The following AMMECR1 variants were observed in gnomAD, a reference collection of about 807,000 sequenced individuals.
The protein encoded by AMMECR1 is nuclear protein AMMECR1.
In AMMECR1, 3 loss-of-function variants were observed where a neutral mutation model predicts 22.5. That is an observed-to-expected ratio of 0.13 (90% CI 0.06 to 0.35). The LOEUF (loss-of-function observed/expected upper bound fraction) is 0.35. Ranked by LOEUF, AMMECR1 falls within the 10% of genes least tolerant of loss-of-function variation. The pLI is 1.00. For missense variants in AMMECR1, 235 were observed against 278.7 expected (o/e 0.84, Z 1.12); for synonymous variants, 130 against 116.7 (o/e 1.11, Z -0.74).
intron 2 of AMMECR1, among the ~76,000 whole-genome samples, chrX:110,217,196 TA>T (rs1336556638): frequency 1.7e-4 from 17 of 101,896 alleles, no homozygotes; most frequent in Admixed American, 4.3e-4. Flanking sequence ...TTTCTTCAAT[TA>T]AAAAAAAAAC....
At chrX:110,263,786 AGC>A (rs1244347853) in intron 2 of AMMECR1, among the ~76,000 whole-genome samples, 1 of 111,907 alleles carries the variant, frequency 8.9e-6, no homozygotes, top group Non-Finnish European at 1.9e-5. Context: ...CTTTACTAAT[AGC>A]TTATTATTTA....
At chrX:110,337,527 C>A (rs2068145723) in intron 2 of AMMECR1, among the ~76,000 whole-genome samples, 1 of 111,154 alleles carries the variant, frequency 9.0e-6, no homozygotes, top group South Asian at 3.8e-4. Flanking sequence ...CTTATTAAGA[C>A]CCAAAGCATA....
intron 2 of AMMECR1, among the ~76,000 whole-genome samples, chrX:110,249,220 T>A (rs780435983): frequency 3.6e-5 from 4 of 110,932 alleles, no homozygotes; most frequent in Non-Finnish European, 7.6e-5. Flanking sequence ...AGAGAAAGGT[T>A]ATTCAGTGAT....
chrX:110,347,027 C>A (rs1405079554), intron 2 of AMMECR1: 7 of 448,339 alleles, frequency 1.6e-5, no homozygotes, highest in Non-Finnish European at 2.8e-5. Flanking sequence ...ACCAGCATTC[C>A]TATACATTGA....
chrX:110,205,745 G>A (rs1035121094), intron 3 of AMMECR1, among the ~76,000 whole-genome samples: 2 of 111,365 alleles, frequency 1.8e-5, no homozygotes, highest in Admixed American at 1.9e-4. Context: ...CATCAGTTGC[G>A]ATAATATTCT....
intron 2 of AMMECR1, among the ~76,000 whole-genome samples, chrX:110,352,597 T>C (rs1436650148): frequency 1.8e-5 from 2 of 111,790 alleles, no homozygotes; most frequent in African/African-American, 6.5e-5. Context: ...TGGAGTTTCT[T>C]TGTGGGGTGC....
At chrX:110,398,602 G>A (rs1360885289) in intron 2 of AMMECR1, among the ~76,000 whole-genome samples, 3 of 111,744 alleles carry the variant, frequency 2.7e-5, no homozygotes, top group Non-Finnish European at 3.8e-5. Flanking sequence ...CTTGCCCAAG[G>A]TCATAGAACT....
chrX:110,432,598 T>G (rs929126871), intron 1 of AMMECR1, among the ~76,000 whole-genome samples: 1 of 112,304 alleles, frequency 8.9e-6, no homozygotes, highest in Non-Finnish European at 1.9e-5. Flanking sequence ...CTGTATTGTG[T>G]GCTGGCTGCA....
chrX:110,288,347 T>G (rs1374741076), intron 1 of AMMECR1, among the ~76,000 whole-genome samples: 5 of 111,839 alleles, frequency 4.5e-5, no homozygotes, highest in African/African-American at 1.6e-4. Flanking sequence ...ACAGAAGATT[T>G]GATTTGGTAG....
At chrX:110,361,374 T>C (rs780708115) in intron 2 of AMMECR1, among the ~76,000 whole-genome samples, 21 of 111,724 alleles carry the variant, frequency 1.9e-4, no homozygotes, top group Non-Finnish European at 3.6e-4. Flanking sequence ...TATATTGCAC[T>C]AGCCTCTCAA....
intron 2 of AMMECR1, among the ~76,000 whole-genome samples, chrX:110,342,669 C>T (rs979155921): frequency 1.2e-4 from 13 of 112,085 alleles, no homozygotes; most frequent in African/African-American, 3.2e-4. Context: ...TGCACTTGGC[C>T]TAAAATGCAT....
In AMMECR1 at chrX:110,198,215, CAG is replaced by C. The variant is rs1235297591; in HGVS notation, c.*303_*304del. 1.3e-5 allele frequency: 2 copies of C among 152,243 alleles called. No homozygotes were observed. The highest frequency in any genetic ancestry group is 2.5e-5 in the Non-Finnish European group (2 of 80,733). The allele number at this position is 152,243 out of a possible 1,213,427, so 12.5% of individuals were successfully genotyped here. A position where few individuals can be genotyped will look rare whatever the true frequency, so the allele number is the denominator to read the frequency against. On this transcript the variant is annotated 3_prime_UTR_variant, in exon 6 of 6. Coordinates refer to ENST00000262844, the MANE Select transcript of AMMECR1 (RefSeq NM_015365.3). The stretch of plus-strand genomic sequence containing the variant: ...AAGAAAGGCAAGGAGGACAGAAAAA[CAG>C]AAACCTGACTGAGACAGCAAAGCAA...
chrX:110,432,351 AT>A (rs1467053239), intron 1 of AMMECR1, among the ~76,000 whole-genome samples: 2 of 112,250 alleles, frequency 1.8e-5, no homozygotes, highest in Admixed American at 1.9e-4. Flanking sequence ...CTTTCTAGGC[AT>A]TTAGCTGTGG....
At position 110,198,701 on chromosome X, in the gene AMMECR1, AGG is replaced by A. The variant is rs1484035903; in HGVS notation, c.888-69_888-68del. On this transcript the variant is annotated intron_variant, in intron 5 of 5. Transcript: ENST00000262844. ...TAGGTGACATGCCATTGTCACTGCT[AGG>A]AAGGACCTTAAAGATAATTTTATAG... 6 of 755,198 alleles carry A rather than the reference AGG, an allele frequency of 7.9e-6. No individual in the cohort carries two copies. The East Asian group carries it at 1.9e-4, about 24-fold the overall frequency. The allele number at this position is 755,198 out of a possible 1,213,427, so 62.2% of individuals were successfully genotyped here. A position where few individuals can be genotyped will look rare whatever the true frequency, so the allele number is the denominator to read the frequency against.
intron 2 of AMMECR1, chrX:110,225,011 C>T (rs764612369): frequency 5.9e-5 from 22 of 370,589 alleles, no homozygotes; most frequent in South Asian, 4.5e-4. Context: ...CAGGACATGT[C>T]CTCACTACCA....
rs765731774 is a variant in AMMECR1, at chrX:110,230,370, T to G, written c.585-13738A>C. On this transcript the variant is annotated intron_variant, in intron 2 of 5. Coordinates refer to ENST00000262844, the MANE Select transcript of AMMECR1 (RefSeq NM_015365.3). ...TTTGCTGTTCTGTAGCCTCCGCTGG[T>G]GATACCCAGGCAAACAGGGTCTGGA... Among the ~76,000 whole-genome samples the G allele has an allele frequency of 2.7e-5, 3 of 112,190 alleles. No individual in the cohort carries two copies. In the East Asian group the frequency reaches 8.4e-4, roughly 32 times the overall value.
At chrX:110,230,902 C>T (rs1009521575) in intron 2 of AMMECR1, among the ~76,000 whole-genome samples, 3 of 111,480 alleles carry the variant, frequency 2.7e-5, no homozygotes, top group Admixed American at 1.9e-4. Context: ...CTTCAAGAGC[C>T]GATTCAATCA....
intron 2 of AMMECR1, among the ~76,000 whole-genome samples, chrX:110,235,756 T>C (rs1490518017): frequency 9.0e-6 from 1 of 111,316 alleles, no homozygotes; most frequent in Non-Finnish European, 1.9e-5. Flanking sequence ...AGATGGGAAT[T>C]GAACAATGAG....
intron 2 of AMMECR1, among the ~76,000 whole-genome samples, chrX:110,335,470 C>T (rs143467221): frequency 0.057 from 6,335 of 111,529 alleles, 449 homozygotes; most frequent in African/African-American, 0.2. Flanking sequence ...GTGCTTCACA[C>T]GTAGTAGTCA....
Sources: allele counts gnomAD v4.1 joint callset (sites outside exome capture counted in the v4.1 genomes callset), GRCh38; gene constraint gnomAD v4.1.1; transcripts MANE v1.5; gene names NCBI Gene and HGNC (gene_info 2026-07-23, HGNC 2026-07-21).